The following UBXN11 variants were observed in gnomAD, a reference collection of about 807,000 sequenced individuals.
UBXN11 encodes the protein UBX domain protein 11.
UBXN11 carries 47 observed loss-of-function variants against 62.8 expected under a neutral mutation model. The observed-to-expected ratio is 0.75, with a 90% CI of 0.59 to 0.95. The LOEUF (loss-of-function observed/expected upper bound fraction) is 0.95. Ranked by LOEUF, UBXN11 falls within the 40% of genes least tolerant of loss-of-function variation. UBXN11 has a pLI of 0.00. For synonymous variants in UBXN11, 294 were observed against 267.0 expected (o/e 1.10, Z -0.99); for missense variants, 638 against 661.7 (o/e 0.96, Z 0.39).
At chr1:26,314,761 TAGAAC>T (rs1302941524) in intron 1 of UBXN11, among the ~76,000 whole-genome samples, 1 of 152,226 alleles carries the variant, frequency 6.6e-6, no homozygotes, top group African/African-American at 2.4e-5. Flanking sequence ...ACACAATCTT[TAGAAC>T]AGAGGTCAAC....
chr1:26,296,843 C>T, intron 7 of UBXN11, 76 bp downstream of exon 7: 1 of 1,484,588 alleles, frequency 6.7e-7, no homozygotes, highest in Non-Finnish European at 9.2e-7. Context: ...GGGCTCGGAC[C>T]CAGCTCCTGA....
At chr1:26,298,117 G>C (rs549236082) in intron 4 of UBXN11, 55 bp from the exon 5 acceptor site, 119 of 1,549,960 alleles carry the variant, frequency 7.7e-5, no homozygotes, top group South Asian at 3.9e-4. Context: ...GCTGAGTTGT[G>C]GGGGGGAGGG....
At chr1:26,283,318 C>T (rs2073047877) in intron 12 of UBXN11, among the ~76,000 whole-genome samples, 1 of 152,146 alleles carries the variant, frequency 6.6e-6, no homozygotes, top group Non-Finnish European at 1.5e-5. Flanking sequence ...TTCCAGACAG[C>T]ATCAACAAAG....
Position 26,284,175 on chromosome 1 carries a change from A to T in UBXN11, c.1044T>A (p.Ile348=). ...TGTCCCTGATGGGGCCCCGGATGTC[A>T]ATCACCTCGCCTTGCCGGATCACAA... is the stretch of plus-strand genomic sequence containing the variant. The part of the protein sequence containing the change: ...PKFVIRQGEV[I]DIRGPIRDTL... Residue 348 remains isoleucine (I), a synonymous_variant, in exon 12 of 15, where the codon ATT becomes ATA. Transcript: ENST00000374222. The T allele has an allele frequency of 6.2e-7, 1 of 1,612,790 alleles. No homozygotes were observed. The highest frequency in any genetic ancestry group is 8.5e-7 in the Non-Finnish European group (1 of 1,179,332).
At position 26,282,534 on chromosome 1, in the gene UBXN11, G is replaced by A; in HGVS notation, c.1328C>T (p.Thr443Ile). 6.3e-7 allele frequency: 1 copy of A among 1,597,310 alleles called. No homozygotes were observed. The highest frequency in any genetic ancestry group is 8.6e-7 in the Non-Finnish European group (1 of 1,168,558). ...GTCCTGGTAGAGGGTGGGCGGGAAT[G>A]TGCTGAAGATCTCAAAGGCAGAGGC... ...MDASAFEIFS[T>I]FPPTLYQDDT... Residue 443 changes from threonine (T) to isoleucine (I), a missense_variant, in exon 15 of 15, where the codon ACA becomes ATA. Transcript: ENST00000374222.
intron 1 of UBXN11, among the ~76,000 whole-genome samples, chr1:26,312,954 G>A (rs112834985): frequency 2.3e-5 from 2 of 85,956 alleles, no homozygotes; most frequent in African/African-American, 9.4e-5. Context: ...ACTCCAGACT[G>A]GGCAACAAGA....
chr1:26,283,306 T>A (rs1252761449), intron 12 of UBXN11, among the ~76,000 whole-genome samples: 1 of 152,112 alleles, frequency 6.6e-6, no homozygotes, highest in Non-Finnish European at 1.5e-5. Flanking sequence ...GATGCAGGGA[T>A]ATTCCAGACA....
At chr1:26,288,832 A>T (rs1436947264) in intron 8 of UBXN11, among the ~76,000 whole-genome samples, 3 of 152,278 alleles carry the variant, frequency 2.0e-5, no homozygotes, top group Non-Finnish European at 2.9e-5. Context: ...AGATAAGGAA[A>T]TTGGGCCTTA....
chr1:26,303,730 G>C (rs2073595608), intron 1 of UBXN11, among the ~76,000 whole-genome samples: 1 of 149,998 alleles, frequency 6.7e-6, no homozygotes, highest in African/African-American at 2.4e-5. Flanking sequence ...GTTTCTTTTA[G>C]TATAAAATGG....
chr1:26,297,869 G>C, intron 5 of UBXN11, 93 bp downstream of exon 5: 1 of 1,392,174 alleles, frequency 7.2e-7, no homozygotes. Context: ...GACGGTTCTA[G>C]AATCACCCAC....
intron 1 of UBXN11, among the ~76,000 whole-genome samples, chr1:26,304,191 A>T (rs1484595854): frequency 6.6e-6 from 1 of 152,210 alleles, no homozygotes; most frequent in African/African-American, 2.4e-5. Flanking sequence ...CCTTCACTGC[A>T]GAGTTTGAGA....
At chr1:26,290,538 C>T (rs1280847193) in intron 8 of UBXN11, among the ~76,000 whole-genome samples, 1 of 152,096 alleles carries the variant, frequency 6.6e-6, no homozygotes, top group Non-Finnish European at 1.5e-5. Context: ...AGAGCAGGAG[C>T]AAAGGCTGGA....
In UBXN11 at chr1:26,283,100, G is replaced by A. The variant is rs531859107; in HGVS notation, c.1078-163C>T. On this transcript the variant is annotated intron_variant, in intron 12 of 14. Transcript: ENST00000374222. ...AAGGCCAGAGGAGAGGCAATGGAAGGGGAAGAAGGTTCTGGGAGGCAGCCC... is the reference window on the plus strand; with the variant it reads ...AAGGCCAGAGGAGAGGCAATGGAAGAGGAAGAAGGTTCTGGGAGGCAGCCC... Among the ~76,000 whole-genome samples, 6 of 152,294 alleles carry A rather than the reference G, an allele frequency of 3.9e-5. 2 individuals carry two copies. The South Asian group carries it at 1.2e-3, about 32-fold the overall frequency.
intron 4 of UBXN11, among the ~76,000 whole-genome samples, chr1:26,299,058 C>T (rs1371946783): frequency 6.6e-6 from 1 of 152,130 alleles, no homozygotes; most frequent in African/African-American, 2.4e-5. Flanking sequence ...AACAAAACTT[C>T]CTTAATGTTC....
chr1:26,318,010 C>G, intron 1 of UBXN11: 1 of 1,614,034 alleles, frequency 6.2e-7, no homozygotes, highest in Non-Finnish European at 8.5e-7. Context: ...CACGAAGATC[C>G]TACCAAAATG....
Position 26,282,542 on chromosome 1 carries a change from G to T in UBXN11, c.1320C>A (p.Ile440=). The change falls in exon 15 of 15, where the codon ATC becomes ATA. Residue 440 remains isoleucine, a synonymous_variant. Transcript: ENST00000374222. ...AGAGGGTGGGCGGGAATGTGCTGAAGATCTCAAAGGCAGAGGCATCCATGA... is the reference window on the plus strand; with the variant it reads ...AGAGGGTGGGCGGGAATGTGCTGAATATCTCAAAGGCAGAGGCATCCATGA... ...ARVMDASAFE[I]FSTFPPTLYQ... The T allele has an allele frequency of 6.3e-7, 1 of 1,597,682 alleles. No individual in the cohort carries two copies. The highest frequency in any genetic ancestry group is 2.2e-5 in the East Asian group (1 of 44,530).
Position 26,314,974 on chromosome 1 carries a change from A to C in UBXN11, c.-149+3073T>G, listed in dbSNP as rs74061106. Reference sequence around the variant, plus strand: ...CATGCACCTGTAGTCCCAGGTACTTAGGAGGATGAGGCGGGAGGATTGCTT... The same window carrying C: ...CATGCACCTGTAGTCCCAGGTACTTCGGAGGATGAGGCGGGAGGATTGCTT... On this transcript the variant is annotated intron_variant, in intron 1 of 14. Transcript: ENST00000374217. 9.9e-3 allele frequency among the ~76,000 whole-genome samples: 1,503 copies of C among 152,248 alleles called. 20 individuals are homozygous for C. Among genetic ancestry groups the C allele is most frequent in the African/African-American group, 0.034 (1,392 of 41,542 alleles).
intron 3 of UBXN11, among the ~76,000 whole-genome samples, 183 bp downstream of exon 3, chr1:26,301,511 G>A (rs1204233154): frequency 1.3e-5 from 2 of 152,148 alleles, no homozygotes; most frequent in Admixed American, 6.5e-5. Context: ...CTCCTAATCT[G>A]AGAGCTTCCA....
rs867927412 is a variant in UBXN11, at chr1:26,294,228, G to A, written c.536C>T (p.Thr179Ile). 2 of 1,614,058 alleles carry A rather than the reference G, an allele frequency of 1.2e-6. No individual in the cohort carries two copies. The highest frequency in any genetic ancestry group is 2.7e-5 in the African/African-American group (2 of 74,956). Residue 179 changes from threonine (T) to isoleucine (I), a missense_variant, in exon 8 of 15, where the codon ACA becomes ATA. Physicochemically the swap from Thr to Ile is moderately conservative, Grantham distance 89 (BLOSUM62 -1). Coordinates refer to ENST00000374222, the MANE Select transcript of UBXN11 (RefSeq NM_001389556.1). The stretch of plus-strand genomic sequence containing the variant: ...ACCTGGCTTCCAGAACTTCTTGGCT[G>A]TCATCCAGTCCCTCTCGCCATGCTC... ...VSEHGERDWM[T>I]AKKFWKPGDS...
Sources: gnomAD v4.1 joint callset for allele counts (sites outside exome capture counted in the v4.1 genomes callset) on GRCh38, gnomAD v4.1.1 for gene constraint, MANE v1.5 for transcripts, NCBI Gene and HGNC (gene_info 2026-07-23, HGNC 2026-07-21) for gene names.